The following TTC28 variants were observed in gnomAD, a reference collection of about 807,000 sequenced individuals.
TTC28 encodes the protein tetratricopeptide repeat domain 28, also known as tetratricopeptide repeat protein 28.
Under a neutral mutation model 198.0 loss-of-function variants are expected in TTC28, and 61 were observed. The ratio of observed to expected loss-of-function variants is 0.31; its 90% CI spans 0.25 to 0.38. The LOEUF is 0.38. TTC28 is among the 10% of genes least tolerant of loss of function. The pLI, the probability that TTC28 is intolerant of heterozygous loss-of-function variation, is 1.00. For synonymous variants in TTC28, 1,171 were observed against 1,297.8 expected, an observed-to-expected ratio of 0.90 and a Z score of 2.10; for missense variants, 2,678 against 3,164.0, an observed-to-expected ratio of 0.85 and a Z score of 3.69.
At chr22:28,014,137 C>T in intron 14 of TTC28, 111 bp downstream of exon 14, 6 of 1,333,814 alleles carry the variant, frequency 4.5e-6, no homozygotes, top group Non-Finnish European at 6.0e-6. Flanking sequence ...TGGAAAGCCT[C>T]CGGTTGTCTC....
At chr22:28,473,622 A>C (rs2048126244) in intron 2 of TTC28, among the ~76,000 whole-genome samples, 1 of 152,206 alleles carries the variant, frequency 6.6e-6, no homozygotes. Flanking sequence ...CTTGGGAAAC[A>C]CTGCCTATGG....
chr22:28,515,235 C>T (rs961866411), intron 2 of TTC28, among the ~76,000 whole-genome samples: 1 of 152,084 alleles, frequency 6.6e-6, no homozygotes, highest in Non-Finnish European at 1.5e-5. Flanking sequence ...TAAAGTTAAA[C>T]ATCCAATTTA....
At chr22:28,291,028 T>C (rs1421265834) in intron 5 of TTC28, among the ~76,000 whole-genome samples, 1 of 82,532 alleles carries the variant, frequency 1.2e-5, no homozygotes, top group Non-Finnish European at 2.9e-5. Flanking sequence ...TAAGAATAAA[T>C]GGAGAGACAG....
chr22:28,337,725 T>C (rs1191060488), intron 2 of TTC28, among the ~76,000 whole-genome samples: 3 of 152,192 alleles, frequency 2.0e-5, no homozygotes, highest in Non-Finnish European at 4.4e-5. Flanking sequence ...ATTTTGAGCC[T>C]ATGTGTGTCT....
At chr22:28,342,881 A>T (rs2045853617) in intron 2 of TTC28, among the ~76,000 whole-genome samples, 1 of 151,822 alleles carries the variant, frequency 6.6e-6, no homozygotes, top group African/African-American at 2.4e-5. Flanking sequence ...AGAAATTAAC[A>T]TAGGCATGCA....
chr22:28,094,036 T>G (rs369797850), intron 12 of TTC28, 44 bp downstream of exon 12: 725 of 1,455,934 alleles, frequency 5.0e-4, no homozygotes, highest in East Asian at 9.5e-4. Flanking sequence ...AATAATACCC[T>G]GAGATTTATC....
At chr22:28,523,479 C>A (rs769110905) in intron 2 of TTC28, among the ~76,000 whole-genome samples, 1 of 152,114 alleles carries the variant, frequency 6.6e-6, no homozygotes. Flanking sequence ...ACTACTGAGG[C>A]CTTAACTAGT....
Position 28,158,605 on chromosome 22 carries a change from T to A in TTC28, c.1441+4487A>T, listed in dbSNP as rs540225015. Among the ~76,000 whole-genome samples, 10 of 151,860 alleles carry A rather than the reference T, an allele frequency of 6.6e-5. 1 individual carries two copies. The South Asian group carries it at 2.1e-3, about 32-fold the overall frequency. On this transcript the variant is annotated intron_variant, in intron 6 of 22. Transcript: ENST00000397906. ...ACAGAATAGAGAACCCAGAAACAAATCCACACACCAACAGTGAACTCATTT... is the reference window on the plus strand; with the variant it reads ...ACAGAATAGAGAACCCAGAAACAAAACCACACACCAACAGTGAACTCATTT...
chr22:28,133,209 T>G (rs1438367683), intron 6 of TTC28, among the ~76,000 whole-genome samples: 1 of 151,770 alleles, frequency 6.6e-6, no homozygotes, highest in Non-Finnish European at 1.5e-5. Flanking sequence ...GGTGACAGAG[T>G]GAATGTGACT....
intron 2 of TTC28, among the ~76,000 whole-genome samples, chr22:28,579,750 C>T (rs1234746916): frequency 6.6e-6 from 1 of 152,016 alleles, no homozygotes; most frequent in Admixed American, 6.6e-5. Context: ...GAGCAGATCA[C>T]TTGAGGTCAG....
intron 11 of TTC28, among the ~76,000 whole-genome samples, chr22:28,094,679 C>T (rs968150281): frequency 2.0e-5 from 3 of 152,182 alleles, no homozygotes; most frequent in Non-Finnish European, 2.9e-5. Flanking sequence ...ACAGAGCTTT[C>T]ATTTCACAAA....
At chr22:28,482,321 C>T (rs1365579816) in intron 2 of TTC28, among the ~76,000 whole-genome samples, 1 of 144,864 alleles carries the variant, frequency 6.9e-6, no homozygotes, top group Non-Finnish European at 1.5e-5. Context: ...ACGCCATTCT[C>T]CTGCCTCAGC....
chr22:28,137,269 C>T (rs1417915138), intron 6 of TTC28, among the ~76,000 whole-genome samples: 3 of 152,136 alleles, frequency 2.0e-5, no homozygotes, highest in Non-Finnish European at 4.4e-5. Context: ...CCTGAGGCAG[C>T]GCTCTTGAGA....
chr22:28,444,798 AC>A (rs1327114529), intron 2 of TTC28, among the ~76,000 whole-genome samples: 1 of 152,190 alleles, frequency 6.6e-6, no homozygotes, highest in Non-Finnish European at 1.5e-5. Context: ...AGTACTACTG[AC>A]TTAAGCACCT....
intron 6 of TTC28, among the ~76,000 whole-genome samples, chr22:28,161,813 G>T (rs1921233988): frequency 6.8e-6 from 1 of 146,974 alleles, no homozygotes; most frequent in Non-Finnish European, 1.5e-5. Flanking sequence ...AGGGAGGGAA[G>T]GAGGGAAGGA....
intron 14 of TTC28, chr22:28,007,090 T>C (rs552714020): frequency 5.9e-5 from 9 of 152,210 alleles, no homozygotes; most frequent in African/African-American, 2.2e-4. Flanking sequence ...AGACTTGGGA[T>C]GAAATGGACT....
intron 1 of TTC28, among the ~76,000 whole-genome samples, 186 bp downstream of exon 1, chr22:28,679,436 C>A (rs2052055660): frequency 6.6e-6 from 1 of 151,722 alleles, no homozygotes; most frequent in Admixed American, 6.6e-5. Flanking sequence ...CACACTCTCG[C>A]GGAAACTGAG....
intron 2 of TTC28, among the ~76,000 whole-genome samples, chr22:28,452,388 TCAAAAAAAAAAAA>T (rs1207375686): frequency 3.5e-5 from 1 of 28,896 alleles, no homozygotes; most frequent in East Asian, 1.8e-3. Context: ...AGATTCCATC[TCAAAAAAAAAAAA>T]AAAAAAAAAA....
At chr22:28,162,157 T>C (rs945742896) in intron 6 of TTC28, among the ~76,000 whole-genome samples, 39 of 152,134 alleles carry the variant, frequency 2.6e-4, no homozygotes, top group Non-Finnish European at 2.6e-4. Flanking sequence ...TTCTAAAAAA[T>C]TGCCAGTTAC....
Sources: gnomAD v4.1 joint callset for allele counts (sites outside exome capture counted in the v4.1 genomes callset) on GRCh38, gnomAD v4.1.1 for gene constraint, MANE v1.5 for transcripts, NCBI Gene and HGNC (gene_info 2026-07-23, HGNC 2026-07-21) for gene names.